Variants in PSMC4 observed in about 807,000 individuals in gnomAD.
PSMC4 encodes the protein proteasome 26S subunit, ATPase 4.
PSMC4 carries 13 observed loss-of-function variants against 48.4 expected under a neutral mutation model. That is an observed-to-expected ratio of 0.27 (90% CI 0.18 to 0.43). The LOEUF is 0.43. Ranked by LOEUF, PSMC4 falls within the 20% of genes least tolerant of loss-of-function variation. The probability of loss-of-function intolerance (pLI) is 1.00; values close to 1 mark genes in which losing one functional copy is unlikely to be tolerated. For missense variants in PSMC4, 262 were observed against 555.9 expected (o/e 0.47, Z 5.32); for synonymous variants, 202 against 212.3 (o/e 0.95, Z 0.42).
At chr19:39,977,325 A>G (rs1971220148) in intron 6 of PSMC4, among the ~76,000 whole-genome samples, 1 of 152,210 alleles carries the variant, frequency 6.6e-6, no homozygotes, top group Admixed American at 6.5e-5. Context: ...CAGTGGTACA[A>G]TACAATGAAC....
intron 6 of PSMC4, 27 bp from the exon 7 acceptor site, chr19:39,979,790 G>A (rs199870544): frequency 2.1e-5 from 33 of 1,595,230 alleles, no homozygotes; most frequent in African/African-American, 4.0e-5. Flanking sequence ...GCTCATTCCC[G>A]CCTAACTGTT....
rs1302621302 is a variant in PSMC4 at position 39,979,848 on chromosome 19, T to C, written c.705T>C (p.Phe235=). The C allele has an allele frequency of 3.1e-6, 5 of 1,614,002 alleles. No individual in the cohort carries two copies. The African/African-American group carries it at 4.0e-5, about 13-fold the overall frequency. Residue 235 remains phenylalanine (F), a synonymous_variant, in exon 7 of 11, where the codon TTT becomes TTC. Coordinates refer to ENST00000157812, the MANE Select transcript of PSMC4 (RefSeq NM_006503.4). ...AAFIRVVGSE[F]VQKYLGEGPR... The stretch of plus-strand genomic sequence containing the variant: ...TCATCCGGGTCGTGGGCTCGGAGTT[T>C]GTACAGAAGTATCTGGGTGAGGGCC...
chr19:39,974,229 G>A lies in PSMC4; in HGVS notation c.323-65G>A. 1 of 1,585,084 alleles carries A rather than the reference G, an allele frequency of 6.3e-7. No homozygotes were observed. Among genetic ancestry groups the A allele is most frequent in the South Asian group, 1.1e-5 (1 of 88,082 alleles). On this transcript the variant is annotated intron_variant, in intron 3 of 10. Coordinates refer to ENST00000157812, the MANE Select transcript of PSMC4 (RefSeq NM_006503.4). The surrounding 1 kb of genome is among the most constrained non-coding windows in gnomAD (Gnocchi z 5.5). The stretch of plus-strand genomic sequence containing the variant: ...GATGTTGGGGTGTGGAGATTAGGAG[G>A]GAGGAAGGGGGAAGGGGCAGTTTCC...
intron 6 of PSMC4, among the ~76,000 whole-genome samples, chr19:39,977,402 C>T (rs551546139): frequency 6.6e-6 from 1 of 152,048 alleles, no homozygotes; most frequent in Non-Finnish European, 1.5e-5. Flanking sequence ...CAGGTTCTGT[C>T]GTTTTTCTGA....
chr19:39,972,990 C>T (rs1017126492), intron 3 of PSMC4, among the ~76,000 whole-genome samples: 2 of 152,152 alleles, frequency 1.3e-5, no homozygotes, highest in Non-Finnish European at 2.9e-5. Context: ...AGGCGATCCA[C>T]CCGCCTCACC....
chr19:39,978,269 T>A (rs1971236972), intron 6 of PSMC4, among the ~76,000 whole-genome samples: 1 of 151,386 alleles, frequency 6.6e-6, no homozygotes, highest in Non-Finnish European at 1.5e-5. Context: ...ACAGGGAAGG[T>A]TGGGGTAGGA....
Position 39,974,184 on chromosome 19 carries a change from C to G in PSMC4, c.323-110C>G. On this transcript the variant is annotated intron_variant, in intron 3 of 10. Coordinates refer to ENST00000157812, the MANE Select transcript of PSMC4 (RefSeq NM_006503.4). The surrounding 1 kb of genome is among the most constrained non-coding windows in gnomAD (Gnocchi z 5.5). Reference sequence around the variant, plus strand: ...GGAAGGCTGGAGGCCGAGAGGGGACCCCTCAGGGTCTGAACCAGAGATGTT... The same window carrying G: ...GGAAGGCTGGAGGCCGAGAGGGGACGCCTCAGGGTCTGAACCAGAGATGTT... 1 of 1,387,456 alleles carries G rather than the reference C, an allele frequency of 7.2e-7. No individual in the cohort carries two copies. The highest frequency in any genetic ancestry group is 9.8e-7 in the Non-Finnish European group (1 of 1,021,542). The allele number at this position is 1,387,456 out of a possible 1,614,324, so 85.9% of individuals were successfully genotyped here.
At chr19:39,971,287 A>G in intron 1 of PSMC4, 49 bp downstream of exon 1, 1 of 1,611,380 alleles carries the variant, frequency 6.2e-7, no homozygotes, top group South Asian at 1.1e-5. Context: ...TCGCGGGGAG[A>G]GGGTGAAGCC....
rs780086067 is a variant in PSMC4 at position 39,981,264 on chromosome 19, G to A, written c.1216G>A (p.Val406Ile). The A allele has an allele frequency of 8.7e-6, 14 of 1,613,960 alleles. No homozygotes were observed. Among genetic ancestry groups the A allele is most frequent in the Non-Finnish European group, 1.2e-5 (14 of 1,179,994 alleles). ...AKDFEKAYKT[V>I]IKKDEQEHEF... is the part of the protein sequence containing the mutation. ...GGACTTCGAGAAAGCATACAAGACT[G>A]TCATCAAGAAGGACGAGCAGGAGCA... Residue 406 changes from valine (V) to isoleucine (I), a missense_variant, in exon 11 of 11, where the codon GTC becomes ATC. Transcript: ENST00000157812.
chr19:39,979,153 G>A (rs1472559344), intron 6 of PSMC4, among the ~76,000 whole-genome samples: 1 of 152,204 alleles, frequency 6.6e-6, no homozygotes, highest in East Asian at 1.9e-4. Context: ...CTTAGTGTAT[G>A]GGCAGCATGC....
rs1399452896 is a variant in PSMC4 at position 39,974,587 on chromosome 19, G to A, written c.533G>A (p.Arg178Gln). Residue 178 changes from arginine to glutamine, a missense_variant, in exon 5 of 11, where the codon CGG becomes CAG. Physicochemically the swap from Arg to Gln is conservative, Grantham distance 43. Transcript: ENST00000157812. The surrounding 1 kb of genome is among the most constrained non-coding windows in gnomAD (Gnocchi z 5.5). Reference sequence around the variant, plus strand: ...ATGGACATCCAGAAGCAGGAGGTGCGGGAGGCCGTGGAGCTCCCGCTCACG... The same window carrying A: ...ATGGACATCCAGAAGCAGGAGGTGCAGGAGGCCGTGGAGCTCCCGCTCACG... ...GGMDIQKQEV[R>Q]EAVELPLTHF... The A allele has an allele frequency of 4.3e-6, 7 of 1,613,976 alleles. No homozygotes were observed. Among genetic ancestry groups the A allele is most frequent in the African/African-American group, 1.3e-5 (1 of 74,900 alleles).
In PSMC4 at chr19:39,974,209, TG is replaced by T. The variant is rs1438763799; in HGVS notation, c.323-81del. 2.0e-6 allele frequency: 3 copies of T among 1,531,938 alleles called. No homozygotes were observed. The East Asian group carries it at 6.8e-5, about 35-fold the overall frequency. The allele number at this position is 1,531,938 out of a possible 1,614,324, so 94.9% of individuals were successfully genotyped here. A position where few individuals can be genotyped will look rare whatever the true frequency, so the allele number is the denominator to read the frequency against. On this transcript the variant is annotated intron_variant, in intron 3 of 10. Coordinates refer to ENST00000157812, the MANE Select transcript of PSMC4 (RefSeq NM_006503.4). This position sits in a 1 kb window ranked among gnomAD's most constrained non-coding sequence, Gnocchi z 5.5. ...CCCTCAGGGTCTGAACCAGAGATGT[TG>T]GGGTGTGGAGATTAGGAGGGAGGAA... is the stretch of plus-strand genomic sequence containing the variant.
In PSMC4 at chr19:39,980,011, G is replaced by C. The variant is rs759162059; in HGVS notation, c.841+27G>C. ...TAAGTGATGCTGAAACAAGGCCCGG[G>C]GTCTTGGACAGGCTTGTCGCATGGG... On this transcript the variant is annotated intron_variant, in intron 7 of 10. Coordinates refer to ENST00000157812, the MANE Select transcript of PSMC4 (RefSeq NM_006503.4). The surrounding 1 kb of genome is among the most constrained non-coding windows in gnomAD (Gnocchi z 4.8). 1.2e-6 allele frequency: 2 copies of C among 1,613,958 alleles called. No individual in the cohort carries two copies. The highest frequency in any genetic ancestry group is 2.2e-5 in the South Asian group (2 of 91,080).
rs924908320 is a variant in PSMC4 at position 39,980,732 on chromosome 19, C to T, written c.1143+15C>T. On this transcript the variant is annotated intron_variant, in intron 10 of 10. Coordinates refer to ENST00000157812, the MANE Select transcript of PSMC4 (RefSeq NM_006503.4). The surrounding 1 kb of genome is among the most constrained non-coding windows in gnomAD (Gnocchi z 4.8). Reference sequence around the variant, plus strand: ...TCTGTCAGGAGGTAAGTGGTGGTTTCTCTCTGGATCCAGGCAGCGGGTGTG... The same window carrying T: ...TCTGTCAGGAGGTAAGTGGTGGTTTTTCTCTGGATCCAGGCAGCGGGTGTG... 6.2e-7 allele frequency: 1 copy of T among 1,612,744 alleles called. No homozygotes were observed. Among genetic ancestry groups the T allele is most frequent in the Non-Finnish European group, 8.5e-7 (1 of 1,178,896 alleles).
chr19:39,974,470 C>G lies in PSMC4; in HGVS notation c.469+30C>G. On this transcript the variant is annotated intron_variant, in intron 4 of 10. Coordinates refer to ENST00000157812, the MANE Select transcript of PSMC4 (RefSeq NM_006503.4). This position sits in a 1 kb window ranked among gnomAD's most constrained non-coding sequence, Gnocchi z 5.5. ...AGGGGGAGCCTGCAGCTGGGAGGGC[C>G]CCATGGGGACCTTGAGGACCTGGCC... is the stretch of plus-strand genomic sequence containing the variant. The G allele has an allele frequency of 1.9e-6, 3 of 1,613,400 alleles. No homozygotes were observed. Among genetic ancestry groups the G allele is most frequent in the Non-Finnish European group, 2.5e-6 (3 of 1,179,546 alleles).
At chr19:39,973,791 C>T (rs1971146559) in intron 3 of PSMC4, among the ~76,000 whole-genome samples, 1 of 151,950 alleles carries the variant, frequency 6.6e-6, no homozygotes, top group African/African-American at 2.4e-5. Flanking sequence ...GAAAGGTGTG[C>T]GATTGTGCCT....
Position 39,980,818 on chromosome 19 carries a change from G to C in PSMC4, c.1143+101G>C, listed in dbSNP as rs1971276570. 8.5e-7 allele frequency: 1 copy of C among 1,182,874 alleles called. No individual in the cohort carries two copies. The highest frequency in any genetic ancestry group is 1.7e-5 in the Admixed American group (1 of 58,064). 73.3% of individuals were successfully genotyped at this position (1,182,874 alleles called of 1,614,324 possible). A position where few individuals can be genotyped will look rare whatever the true frequency, so the allele number is the denominator to read the frequency against. ...TCCTGTCCCCTCATGGCTGCCCTGGGTCGTGGGCGCCATCTCTCTCTTCCT... is the reference window on the plus strand; with the variant it reads ...TCCTGTCCCCTCATGGCTGCCCTGGCTCGTGGGCGCCATCTCTCTCTTCCT... On this transcript the variant is annotated intron_variant, in intron 10 of 10. Transcript: ENST00000157812. The surrounding 1 kb of genome is among the most constrained non-coding windows in gnomAD (Gnocchi z 4.8).
At position 39,974,290 on chromosome 19, in the gene PSMC4, G is replaced by T; in HGVS notation, c.323-4G>T. 3 of 1,613,820 alleles carry T rather than the reference G, an allele frequency of 1.9e-6. No homozygotes were observed. The highest frequency in any genetic ancestry group is 1.7e-6 in the Non-Finnish European group (2 of 1,179,886). ...TTCTCGTTTTCCTCTCTCCCTTCTC[G>T]CAGGCTCCAACTATTATGTGCGCAT... On this transcript the variant is annotated splice_polypyrimidine_tract_variant and splice_region_variant and intron_variant, in intron 3 of 10. Transcript: ENST00000157812. The surrounding 1 kb of genome is among the most constrained non-coding windows in gnomAD (Gnocchi z 5.5).
intron 6 of PSMC4, among the ~76,000 whole-genome samples, chr19:39,978,922 G>T (rs1012724051): frequency 2.6e-5 from 4 of 152,132 alleles, no homozygotes; most frequent in Admixed American, 2.0e-4. Flanking sequence ...TGAAGAGGGA[G>T]GATTGCTTGA....
Sources: allele counts gnomAD v4.1 joint callset (sites outside exome capture counted in the v4.1 genomes callset), GRCh38; gene constraint gnomAD v4.1.1; non-coding constraint Gnocchi (gnomAD v3.1); transcripts MANE v1.5; gene names NCBI Gene and HGNC (gene_info 2026-07-23, HGNC 2026-07-21).